MME: variants seen among roughly 807,000 people sequenced by gnomAD.
MME encodes the protein neprilysin.
A neutral mutation model predicts 113.2 loss-of-function variants in MME; 98 were observed. The observed-to-expected ratio is 0.87, with a 90% CI of 0.74 to 1.02. The LOEUF is 1.02. MME is among the 50% of genes least tolerant of loss of function. The probability of loss-of-function intolerance (pLI) is 0.00; values close to 1 mark genes in which losing one functional copy is unlikely to be tolerated. For missense variants in MME, 836 were observed against 896.0 expected, an observed-to-expected ratio of 0.93 and a Z score of 0.86; for synonymous variants, 292 against 300.6, an observed-to-expected ratio of 0.97 and a Z score of 0.30.
chr3:155,115,471 C>A (rs1718527537), intron 4 of MME, among the ~76,000 whole-genome samples: 1 of 152,178 alleles, frequency 6.6e-6, no homozygotes, highest in Non-Finnish European at 1.5e-5. Flanking sequence ...TCTTGTCACC[C>A]AGGCTGGAGT....
At chr3:155,075,933 G>C (rs192186564), upstream of MME, among the ~76,000 whole-genome samples, 33 of 152,234 alleles carry the variant, frequency 2.2e-4, no homozygotes, top group East Asian at 5.2e-3. Flanking sequence ...TTTTGTTAAT[G>C]TTTGCTTAGA....
At chr3:155,116,606 A>ATATATATATC in intron 5 of MME, 47 bp downstream of exon 5, 1 of 1,470,268 alleles carries the variant, frequency 6.8e-7, no homozygotes, top group Non-Finnish European at 9.5e-7. Context: ...ATATATATAT[A>ATATATATATC]TTGGTGCCAA....
At chr3:155,159,794 C>G (rs1009655968) in intron 16 of MME, among the ~76,000 whole-genome samples, 1 of 151,916 alleles carries the variant, frequency 6.6e-6, no homozygotes, top group African/African-American at 2.4e-5. Context: ...TAAGAATGAC[C>G]TGGGTTTCAT....
intron 18 of MME, among the ~76,000 whole-genome samples, chr3:155,168,039 G>A (rs1174876747): frequency 6.6e-6 from 1 of 152,204 alleles, no homozygotes. Context: ...AGCTGTAGGA[G>A]AAAAAGACTT....
intron 3 of MME, among the ~76,000 whole-genome samples, chr3:155,109,931 G>T (rs1412458712): frequency 6.6e-6 from 1 of 152,204 alleles, no homozygotes; most frequent in Non-Finnish European, 1.5e-5. Context: ...GGGCCTTTGA[G>T]TGCATCCACC....
In MME at chr3:155,114,890, G is replaced by A. The variant is rs73875813; in HGVS notation, c.197-104G>A. ...ATATAAAAAAGAAAACGGAGCATCCGACAAATTGATGCAATCAAAAGGGAG... is the reference window on the plus strand; with the variant it reads ...ATATAAAAAAGAAAACGGAGCATCCAACAAATTGATGCAATCAAAAGGGAG... On this transcript the variant is annotated intron_variant, in intron 3 of 22. Coordinates refer to ENST00000360490, the MANE Select transcript of MME (RefSeq NM_007289.4). 1.7e-3 allele frequency: 2,009 copies of A among 1,184,038 alleles called. 21 individuals carry two copies. In the African/African-American group the frequency reaches 0.025, roughly 15 times the overall value. 73.3% of individuals were successfully genotyped at this position (1,184,038 alleles called of 1,614,324 possible).
rs1267435866 is a variant in MME at position 155,166,890 on chromosome 3, C to G, written c.1661-12C>G. ...GCCACAAATAATCTCTAACTATCTT[C>G]TCTCCTTGTAGTCTTCCCAGCCGGC... On this transcript the variant is annotated splice_polypyrimidine_tract_variant and intron_variant, in intron 17 of 22. Coordinates refer to ENST00000360490, the MANE Select transcript of MME (RefSeq NM_007289.4). The G allele has an allele frequency of 2.5e-6, 4 of 1,613,406 alleles. No individual in the cohort carries two copies. The highest frequency in any genetic ancestry group is 1.6e-4 in the Middle Eastern group (1 of 6,078).
rs1267977894 is a variant in MME at position 155,181,050 on chromosome 3, A to G, written c.*591A>G. ...GATCATTTATTTTAAGCACTCTTAA[A>G]GCAAAAAATGAATGTCTAAAATTGT... On this transcript the variant is annotated 3_prime_UTR_variant, in exon 23 of 23. Transcript: ENST00000360490. The G allele has an allele frequency of 6.5e-6, 1 of 153,366 alleles. No individual in the cohort carries two copies. The highest frequency in any genetic ancestry group is 1.5e-5 in the Non-Finnish European group (1 of 68,536). The allele number at this position is 153,366 out of a possible 1,614,324, so 9.5% of individuals were successfully genotyped here. A position where few individuals can be genotyped will look rare whatever the true frequency, so the allele number is the denominator to read the frequency against.
intron 1 of MME, among the ~76,000 whole-genome samples, chr3:155,054,619 G>A (rs190520229): frequency 3.4e-4 from 52 of 152,170 alleles, no homozygotes; most frequent in Non-Finnish European, 3.7e-4. Flanking sequence ...TCAGGAGTTC[G>A]AGGTCAGGAG....
chr3:155,060,862 A>AGAGAGT (rs1559895833), intron 1 of MME, among the ~76,000 whole-genome samples: 4 of 147,564 alleles, frequency 2.7e-5, no homozygotes, highest in African/African-American at 5.2e-5. Flanking sequence ...AGAGAGAGTG[A>AGAGAGT]GAGAGAGAGA....
intron 1 of MME, 68 bp from the exon 2 acceptor site, chr3:155,084,090 A>G: frequency 7.6e-7 from 1 of 1,320,642 alleles, no homozygotes; most frequent in Non-Finnish European, 1.1e-6. Context: ...ATCCAGCCAC[A>G]TTAAGCATTT....
chr3:155,094,728 C>T (rs1716582918), intron 3 of MME, among the ~76,000 whole-genome samples: 1 of 152,274 alleles, frequency 6.6e-6, no homozygotes, highest in South Asian at 2.1e-4. Context: ...CAGAAATGAA[C>T]ACTTGAATCT....
Position 155,144,422 on chromosome 3 carries a change from A to T in MME, c.1381A>T (p.Met461Leu). The T allele has an allele frequency of 6.2e-7, 1 of 1,613,094 alleles. No homozygotes were observed. Among genetic ancestry groups the T allele is most frequent in the Non-Finnish European group, 8.5e-7 (1 of 1,179,292 alleles). ...FIQTLDDLTW[M>L]DAETKKRAEE... ...TCAGACTTTAGATGACCTCACTTGG[A>T]TGGATGCCGAGACAAAAAAGAGAGC... The change falls in exon 14 of 23, where the codon ATG (methionine) becomes TTG (leucine). Residue 461 changes from methionine to leucine, a missense_variant. Coordinates refer to ENST00000360490, the MANE Select transcript of MME (RefSeq NM_007289.4).
rs775395906 is a variant in MME at position 155,172,622 on chromosome 3, T to C, written c.2153+10T>C. The C allele has an allele frequency of 5.0e-6, 8 of 1,599,066 alleles. No homozygotes were observed. The highest frequency in any genetic ancestry group is 6.0e-6 in the Non-Finnish European group (7 of 1,166,742). The stretch of plus-strand genomic sequence containing the variant: ...GTCCAGGCAATTTCAGGTGCGTGGA[T>C]ATGAACAGCAATCAAGGTGCTCTTA... On this transcript the variant is annotated intron_variant, in intron 22 of 22. Coordinates refer to ENST00000360490, the MANE Select transcript of MME (RefSeq NM_007289.4).
intron 9 of MME, among the ~76,000 whole-genome samples, chr3:155,139,232 G>A (rs1478766806): frequency 6.6e-6 from 1 of 152,102 alleles, no homozygotes; most frequent in East Asian, 1.9e-4. Context: ...CCCAGACCAT[G>A]CGCTCCTTTG....
chr3:155,131,634 T>G (rs933213644), intron 8 of MME, among the ~76,000 whole-genome samples: 2 of 152,192 alleles, frequency 1.3e-5, no homozygotes, highest in African/African-American at 2.4e-5. Context: ...TGTACAAATC[T>G]TCAGGTTCTT....
intron 1 of MME, among the ~76,000 whole-genome samples, chr3:155,045,359 G>A (rs909244446): frequency 2.6e-5 from 4 of 151,686 alleles, no homozygotes; most frequent in Admixed American, 6.6e-5. Context: ...CATGTTGGCC[G>A]GGATGGTCTC....
chr3:155,133,971 G>A (rs1377534901), intron 8 of MME, among the ~76,000 whole-genome samples: 2 of 151,114 alleles, frequency 1.3e-5, no homozygotes, highest in African/African-American at 4.9e-5. Flanking sequence ...CTTGTACTTT[G>A]GAATAGTTGG....
chr3:155,102,005 T>C (rs1486107144), intron 3 of MME, among the ~76,000 whole-genome samples: 2 of 152,122 alleles, frequency 1.3e-5, no homozygotes, highest in African/African-American at 4.8e-5. Flanking sequence ...ATCACACCTA[T>C]TAGGAGGGGG....
Sources: gnomAD v4.1 joint callset for allele counts (sites outside exome capture counted in the v4.1 genomes callset) on GRCh38, gnomAD v4.1.1 for gene constraint, MANE v1.5 for transcripts, NCBI Gene and HGNC (gene_info 2026-07-23, HGNC 2026-07-21) for gene names.